The following LINGO3 variants were observed in gnomAD, a reference collection of about 807,000 sequenced individuals.
LINGO3 encodes the protein leucine rich repeat and Ig domain containing 3, also known as leucine-rich repeat and immunoglobulin-like domain-containing nogo receptor-interacting protein 3.
For missense variants in LINGO3, 750 were observed against 867.7 expected (o/e 0.86, Z 1.70); for synonymous variants, 427 against 444.2 (o/e 0.96, Z 0.49).
chr19:2,289,900 C>G (rs1396145963), exon 1 of LINGO3: 4 of 1,013,752 alleles, frequency 3.9e-6, no homozygotes, highest in Non-Finnish European at 5.7e-6. Flanking sequence ...TGGGGAGCGC[C>G]GTGCAGCCGT....
the LINGO3 span, among the ~76,000 whole-genome samples, chr19:2,302,941 G>A: frequency 3.7e-4 from 56 of 152,236 alleles, no homozygotes; most frequent in Non-Finnish European, 7.1e-4. Flanking sequence ...TGCCGCGCGG[G>A]TGCTGGAGGC....
Position 2,290,413 on chromosome 19 carries a change from C to T in LINGO3, c.1364G>A (p.Gly455Asp), listed in dbSNP as rs1006849686. 2 of 1,424,602 alleles carry T rather than the reference C, an allele frequency of 1.4e-6. No individual in the cohort carries two copies. The highest frequency in any genetic ancestry group is 5.9e-5 in the East Asian group (2 of 33,672). The allele number at this position is 1,424,602 out of a possible 1,614,324, so 88.2% of individuals were successfully genotyped here. A position where few individuals can be genotyped will look rare whatever the true frequency, so the allele number is the denominator to read the frequency against. Reference sequence around the variant, plus strand: ...CCCCCCGGGGAGCACGCGCGCCCGGCCCGCGCTGGTGGCCGTCACCGGCCG... The same window carrying T: ...CCCCCCGGGGAGCACGCGCGCCCGGTCCGCGCTGGTGGCCGTCACCGGCCG... Residue 455 changes from glycine (G) to aspartate (D), a missense_variant, in exon 1 of 1, where the codon GGC becomes GAC. Physicochemically the swap from Gly to Asp is moderately conservative, Grantham distance 94. Coordinates refer to ENST00000585527, the Ensembl canonical transcript of LINGO3. The surrounding 1 kb of genome is among the most constrained non-coding windows in gnomAD (Gnocchi z 6.0).
exon 1 of LINGO3, chr19:2,291,501 G>A (rs745406491): frequency 6.2e-7 from 1 of 1,611,372 alleles, no homozygotes; most frequent in Non-Finnish European, 8.5e-7. Flanking sequence ...CGGGCTCCAC[G>A]TGCGCGATGG....
chr19:2,295,596 C>T (rs2025565214), upstream of LINGO3, among the ~76,000 whole-genome samples: 1 of 152,050 alleles, frequency 6.6e-6, no homozygotes, highest in Non-Finnish European at 1.5e-5. Context: ...ACTAGCCGGG[C>T]GTGGTGATGG....
rs760877540 is a variant in LINGO3, at chr19:2,290,796, G to A, written c.981C>T (p.Asn327=). 1.9e-6 allele frequency: 3 copies of A among 1,612,582 alleles called. No homozygotes were observed. Among genetic ancestry groups the A allele is most frequent in the Non-Finnish European group, 2.5e-6 (3 of 1,179,652 alleles). Residue 327 remains asparagine (N), a synonymous_variant, in exon 1 of 1, where the codon AAC becomes AAT. Transcript: ENST00000585527. The surrounding 1 kb of genome is among the most constrained non-coding windows in gnomAD (Gnocchi z 6.0). ...TCTCCTCCAACGTGGAGAGCAGGTT[G>A]TTGGAGAGGTTGAGCAGGCGGATCT... is the stretch of plus-strand genomic sequence containing the variant.
chr19:2,301,924 T>C, the LINGO3 span, among the ~76,000 whole-genome samples: 4 of 98,228 alleles, frequency 4.1e-5, no homozygotes, highest in Non-Finnish European at 5.5e-5. Flanking sequence ...CGAGACTCCA[T>C]CTCAAAAAAA....
chr19:2,302,520 C>A, the LINGO3 span, among the ~76,000 whole-genome samples: 1 of 152,224 alleles, frequency 6.6e-6, no homozygotes, highest in Non-Finnish European at 1.5e-5. Flanking sequence ...GGCGCGAAGC[C>A]GGAGCTGGGG....
chr19:2,300,039 T>TTA, the LINGO3 span, among the ~76,000 whole-genome samples: 2 of 146,626 alleles, frequency 1.4e-5, no homozygotes, highest in South Asian at 4.4e-4. Flanking sequence ...TTTTTTTTTT[T>TTA]TTTTTTATTG....
chr19:2,287,906 C>T (rs2025481004), downstream of LINGO3, among the ~76,000 whole-genome samples: 3 of 152,154 alleles, frequency 2.0e-5, no homozygotes, highest in South Asian at 6.2e-4. This position sits in a 1 kb window ranked among gnomAD's most constrained non-coding sequence, Gnocchi z 4.5. Flanking sequence ...GCAGCCAAGC[C>T]CCTTTCTGGC....
At chr19:2,295,781 T>G (rs567937238), upstream of LINGO3, among the ~76,000 whole-genome samples, 3 of 151,938 alleles carry the variant, frequency 2.0e-5, no homozygotes, top group East Asian at 5.8e-4. Context: ...AACTGAATTC[T>G]GGATTTAGGT....
At chr19:2,307,722 G>A in the LINGO3 span, among the ~76,000 whole-genome samples, 2 of 152,060 alleles carry the variant, frequency 1.3e-5, no homozygotes, top group South Asian at 2.1e-4. Context: ...CTATTCGGAC[G>A]TTCCCCACAC....
rs1379220586 is a variant in LINGO3, at chr19:2,290,199, G to A, written c.1578C>T (p.Thr526=). The change falls in exon 1 of 1, where the codon ACC becomes ACT. Residue 526 remains threonine (T), a synonymous_variant. Transcript: ENST00000585527. This position sits in a 1 kb window ranked among gnomAD's most constrained non-coding sequence, Gnocchi z 6.0. ...AGCCCATGGCGGTGGACACCAGGATGGTGGTGAGGTCGAGCGGCGCGCGCA... is the reference window on the plus strand; with the variant it reads ...AGCCCATGGCGGTGGACACCAGGATAGTGGTGAGGTCGAGCGGCGCGCGCA... 4 of 1,610,124 alleles carry A rather than the reference G, an allele frequency of 2.5e-6. No homozygotes were observed. The highest frequency in any genetic ancestry group is 4.5e-5 in the East Asian group (2 of 44,704).
the LINGO3 span, among the ~76,000 whole-genome samples, chr19:2,297,697 C>T: frequency 2.6e-5 from 4 of 151,514 alleles, no homozygotes; most frequent in African/African-American, 9.7e-5. Flanking sequence ...CTCTGCCTCC[C>T]GAGTTTAAGT....
At position 2,290,463 on chromosome 19, in the gene LINGO3, G is replaced by C. The variant is rs754308091; in HGVS notation, c.1314C>G (p.Thr438=). The stretch of plus-strand genomic sequence containing the variant: ...GGTGCTGGGGGGTCACCCAGGCCAC[G>C]GTGGGCGCCGGCTCGCCCTCGGCGC... Residue 438 remains threonine (T), a synonymous_variant, in exon 1 of 1, where the codon ACC becomes ACG. Transcript: ENST00000585527. The surrounding 1 kb of genome is among the most constrained non-coding windows in gnomAD (Gnocchi z 6.0). 4.8e-6 allele frequency: 7 copies of C among 1,454,486 alleles called. No individual in the cohort carries two copies. The South Asian group carries it at 8.3e-5, about 17-fold the overall frequency. The allele number at this position is 1,454,486 out of a possible 1,614,324, so 90.1% of individuals were successfully genotyped here.
At chr19:2,301,956 G>C in the LINGO3 span, among the ~76,000 whole-genome samples, 1 of 140,732 alleles carries the variant, frequency 7.1e-6, no homozygotes, top group Non-Finnish European at 1.5e-5. Context: ...AAGAGGAAAA[G>C]AAAAGAAAAT....
Position 2,290,469 on chromosome 19 carries a change from C to A in LINGO3, c.1308G>T (p.Ala436=). The change falls in exon 1 of 1, where the codon GCG becomes GCT. Residue 436 remains alanine (A), a synonymous_variant. Coordinates refer to ENST00000585527, the Ensembl canonical transcript of LINGO3. This position sits in a 1 kb window ranked among gnomAD's most constrained non-coding sequence, Gnocchi z 6.0. ...GGGGGGTCACCCAGGCCACGGTGGG[C>A]GCCGGCTCGCCCTCGGCGCGGCAGA... The A allele has an allele frequency of 6.9e-7, 1 of 1,458,210 alleles. No homozygotes were observed. The highest frequency in any genetic ancestry group is 9.0e-7 in the Non-Finnish European group (1 of 1,111,760). The allele number at this position is 1,458,210 out of a possible 1,614,324, so 90.3% of individuals were successfully genotyped here. A position where few individuals can be genotyped will look rare whatever the true frequency, so the allele number is the denominator to read the frequency against.
chr19:2,291,424 G>A lies in LINGO3; in HGVS notation c.353C>T (p.Pro118Leu), dbSNP rs1387427207. Residue 118 changes from proline to leucine, a missense_variant, in exon 1 of 1, where the codon CCG (proline) becomes CTG (leucine). Coordinates refer to ENST00000585527, the Ensembl canonical transcript of LINGO3. ...GTCCAGGCGCGTGAAGACCCCGGGC[G>A]GGATGAGCTTCAGCTGGTTGCCACG... is the stretch of plus-strand genomic sequence containing the variant. 8 of 1,613,268 alleles carry A rather than the reference G, an allele frequency of 5.0e-6. No homozygotes were observed. Among genetic ancestry groups the A allele is most frequent in the Middle Eastern group, 3.3e-4 (2 of 6,082 alleles).
the LINGO3 span, among the ~76,000 whole-genome samples, chr19:2,302,784 C>G: frequency 1.3e-5 from 2 of 152,220 alleles, no homozygotes; most frequent in African/African-American, 4.8e-5. Context: ...GCAGGGGGGC[C>G]GGGCCGGCGG....
the LINGO3 span, among the ~76,000 whole-genome samples, chr19:2,305,951 A>G: frequency 1.3e-5 from 2 of 152,112 alleles, no homozygotes; most frequent in African/African-American, 4.8e-5. Flanking sequence ...ATCCATGACA[A>G]TTCATTAAGC....
Sources: allele counts gnomAD v4.1 joint callset (sites outside exome capture counted in the v4.1 genomes callset), GRCh38; gene constraint gnomAD v4.1.1; non-coding constraint Gnocchi (gnomAD v3.1); transcripts MANE v1.5; gene names NCBI Gene and HGNC (gene_info 2026-07-23, HGNC 2026-07-21).